The following MYO5B variants were observed in gnomAD, a reference collection of about 807,000 sequenced individuals.
The protein encoded by MYO5B is myosin VB, also known as unconventional myosin-Vb.
Under a neutral mutation model 229.3 loss-of-function variants are expected in MYO5B, and 143 were observed. The observed-to-expected ratio is 0.62, with a 90% CI of 0.54 to 0.72. The LOEUF (loss-of-function observed/expected upper bound fraction) is 0.72, where lower values mean the gene tolerates loss of function less well. Ranked by LOEUF, MYO5B falls within the 30% of genes least tolerant of loss-of-function variation. MYO5B has a pLI of 0.00. For synonymous variants in MYO5B, 918 were observed against 885.2 expected (o/e 1.04, Z -0.66); for missense variants, 2,321 against 2,331.0 (o/e 1.00, Z 0.09).
chr18:49,853,795 G>C, intron 30 of MYO5B, 148 bp from the exon 31 acceptor site: 2 of 757,918 alleles, frequency 2.6e-6, no homozygotes, highest in African/African-American at 1.7e-5. Flanking sequence ...GCAGGAGACA[G>C]ATGCCATGGG....
intron 26 of MYO5B, among the ~76,000 whole-genome samples, chr18:49,875,264 A>C (rs1306405242): frequency 2.0e-5 from 3 of 152,192 alleles, no homozygotes; most frequent in Non-Finnish European, 2.9e-5. Flanking sequence ...TGAGTGACAC[A>C]CACTTGGTCT....
At chr18:49,978,644 C>T (rs1170308181) in intron 9 of MYO5B, among the ~76,000 whole-genome samples, 1 of 151,130 alleles carries the variant, frequency 6.6e-6, no homozygotes, top group African/African-American at 2.4e-5. Context: ...ACTGACCCTA[C>T]TCTTTCAGAG....
intron 22 of MYO5B, among the ~76,000 whole-genome samples, chr18:49,886,785 C>T (rs776549823): frequency 5.3e-5 from 8 of 151,982 alleles, no homozygotes; most frequent in Non-Finnish European, 1.0e-4. Context: ...ACGTTTTATC[C>T]GTAGAGGCAC....
chr18:49,892,271 C>A (rs1452582095), intron 22 of MYO5B, among the ~76,000 whole-genome samples: 1 of 152,202 alleles, frequency 6.6e-6, no homozygotes, highest in African/African-American at 2.4e-5. Context: ...ACAACAGATA[C>A]CTTTAGTAGA....
intron 2 of MYO5B, among the ~76,000 whole-genome samples, chr18:50,043,054 C>A (rs1468233882): frequency 6.7e-6 from 1 of 149,126 alleles, no homozygotes; most frequent in African/African-American, 2.5e-5. Context: ...AGTAGAACTA[C>A]CATTTGATCT....
intron 2 of MYO5B, among the ~76,000 whole-genome samples, chr18:50,047,496 T>G (rs908446158): frequency 6.6e-6 from 1 of 152,208 alleles, no homozygotes; most frequent in Non-Finnish European, 1.5e-5. Flanking sequence ...TTGGTGGTAC[T>G]GTAAACTAGT....
At chr18:49,961,760 A>C (rs1429635955) in intron 12 of MYO5B, among the ~76,000 whole-genome samples, 1 of 152,208 alleles carries the variant, frequency 6.6e-6, no homozygotes, top group Non-Finnish European at 1.5e-5. Context: ...CAATGCTGCC[A>C]GGCACTCTCC....
rs574759680 is a variant in MYO5B, at chr18:50,028,767, C to G, written c.455+8083G>C. On this transcript the variant is annotated intron_variant, in intron 4 of 39. Coordinates refer to ENST00000285039, the MANE Select transcript of MYO5B (RefSeq NM_001080467.3). ...AGTATCCTGCACAACTAATTTCCAC[C>G]GGGTGACGCAGGCTCTCTCCTTTCT... Among the ~76,000 whole-genome samples, 10 of 152,322 alleles carry G rather than the reference C, an allele frequency of 6.6e-5. No homozygotes were observed. In the South Asian group the frequency reaches 1.9e-3, roughly 28 times the overall value.
At chr18:50,183,305 T>TTATATATATATA in intron 1 of MYO5B, among the ~76,000 whole-genome samples, 1 of 42,632 alleles carries the variant, frequency 2.3e-5, no homozygotes, top group African/African-American at 9.5e-5. Context: ...CTCAATTTTA[T>TTATATATATATA]CATATATATA....
intron 1 of MYO5B, among the ~76,000 whole-genome samples, chr18:50,062,839 C>G (rs2030721917): frequency 6.6e-6 from 1 of 152,114 alleles, no homozygotes. Flanking sequence ...GACAGAAGAG[C>G]AAGGAGGTGA....
chr18:49,911,019 T>C (rs1255667430), intron 18 of MYO5B, among the ~76,000 whole-genome samples: 1 of 152,164 alleles, frequency 6.6e-6, no homozygotes, highest in Non-Finnish European at 1.5e-5. Flanking sequence ...CTGTCAGGTG[T>C]GAGTTCAAAT....
chr18:50,084,007 C>CA (rs1457755658), intron 1 of MYO5B, among the ~76,000 whole-genome samples: 2 of 152,194 alleles, frequency 1.3e-5, no homozygotes, highest in Non-Finnish European at 2.9e-5. Flanking sequence ...TCAGGCAAGT[C>CA]ATATCATCTC....
intron 5 of MYO5B, among the ~76,000 whole-genome samples, chr18:49,996,875 GT>G (rs1460890785): frequency 1.3e-5 from 2 of 152,236 alleles, no homozygotes; most frequent in Non-Finnish European, 2.9e-5. Context: ...AGTGGCTAAA[GT>G]ATGTTGATAC....
chr18:49,999,492 C>T (rs76494166), intron 5 of MYO5B, among the ~76,000 whole-genome samples: 3,131 of 152,220 alleles, frequency 0.021, 99 homozygotes, highest in African/African-American at 0.07. Flanking sequence ...TATGGTAAAG[C>T]CATTTATTAA....
At chr18:50,012,386 T>G (rs1230704633) in intron 4 of MYO5B, among the ~76,000 whole-genome samples, 4 of 152,262 alleles carry the variant, frequency 2.6e-5, no homozygotes, top group Admixed American at 6.5e-5. Flanking sequence ...AATTTATGAA[T>G]GTATTAACTG....
chr18:50,080,252 G>C (rs1297535436), intron 1 of MYO5B, among the ~76,000 whole-genome samples: 1 of 152,118 alleles, frequency 6.6e-6, no homozygotes, highest in Non-Finnish European at 1.5e-5. Context: ...CTTGGTATTA[G>C]TGACAAGGTC....
chr18:49,980,377 T>A (rs774734850), intron 9 of MYO5B, 67 bp downstream of exon 9: 3 of 1,127,720 alleles, frequency 2.7e-6, no homozygotes, highest in Non-Finnish European at 4.1e-6. Flanking sequence ...GAAAGACACA[T>A]TTCAGTCATA....
At chr18:49,963,675 A>G (rs1377434564) in intron 10 of MYO5B, among the ~76,000 whole-genome samples, 1 of 151,930 alleles carries the variant, frequency 6.6e-6, no homozygotes, top group Non-Finnish European at 1.5e-5. Flanking sequence ...TGATCCATCC[A>G]CCTCAGCCTC....
chr18:49,960,122 A>G (rs2025541459), intron 12 of MYO5B, among the ~76,000 whole-genome samples: 1 of 151,886 alleles, frequency 6.6e-6, no homozygotes, highest in African/African-American at 2.4e-5. Context: ...CACACTTCTT[A>G]TCTAAACCCC....
Sources: gnomAD v4.1 joint callset for allele counts (sites outside exome capture counted in the v4.1 genomes callset) on GRCh38, gnomAD v4.1.1 for gene constraint, MANE v1.5 for transcripts, NCBI Gene and HGNC (gene_info 2026-07-23, HGNC 2026-07-21) for gene names.